Variants in RERE observed in about 807,000 individuals in gnomAD.
The protein encoded by RERE is arginine-glutamic acid dipeptide repeats protein.
RERE carries 40 observed loss-of-function variants against 146.1 expected under a neutral mutation model. The observed-to-expected ratio is 0.27, with a 90% CI of 0.21 to 0.36. The LOEUF (loss-of-function observed/expected upper bound fraction) is 0.36, where lower values mean the gene tolerates loss of function less well. RERE is among the 10% of genes least tolerant of loss of function. RERE has a pLI of 1.00. For missense variants in RERE, 1,933 were observed against 2,138.7 expected (o/e 0.90, Z 1.90); for synonymous variants, 1,003 against 866.0 (o/e 1.16, Z -2.78).
At chr1:8,720,386 T>A (rs1475817003) in intron 1 of RERE, among the ~76,000 whole-genome samples, 2 of 152,094 alleles carry the variant, frequency 1.3e-5, no homozygotes, top group Non-Finnish European at 2.9e-5. Context: ...ACCAACAGAT[T>A]TTTTTGTATT....
At chr1:8,783,062 G>A (rs1641194680) in intron 1 of RERE, among the ~76,000 whole-genome samples, 1 of 152,130 alleles carries the variant, frequency 6.6e-6, no homozygotes, top group Admixed American at 6.6e-5. Context: ...GACCAGGCAT[G>A]GTGGTTCATG....
chr1:8,383,987 C>T (rs183094366), intron 12 of RERE, among the ~76,000 whole-genome samples: 18 of 152,194 alleles, frequency 1.2e-4, no homozygotes, highest in African/African-American at 3.1e-4. Flanking sequence ...GTCACAAACT[C>T]CAGAATGAAA....
intron 2 of RERE, among the ~76,000 whole-genome samples, chr1:8,632,294 G>A (rs768141684): frequency 1.3e-5 from 2 of 152,134 alleles, no homozygotes; most frequent in African/African-American, 4.8e-5. Context: ...TGATCTTCTG[G>A]TGTCACATCC....
At chr1:8,743,001 CATT>C (rs1319487584) in intron 1 of RERE, among the ~76,000 whole-genome samples, 1 of 151,972 alleles carries the variant, frequency 6.6e-6, no homozygotes, top group Non-Finnish European at 1.5e-5. Context: ...GCAACTCAAT[CATT>C]GTTTAATCCT....
At chr1:8,481,468 C>T (rs1644833387) in intron 10 of RERE, among the ~76,000 whole-genome samples, 1 of 152,070 alleles carries the variant, frequency 6.6e-6, no homozygotes, top group African/African-American at 2.4e-5. Context: ...CAATTTAAAC[C>T]AAGTTTAAAT....
intron 2 of RERE, among the ~76,000 whole-genome samples, chr1:8,637,071 T>G (rs1647110858): frequency 6.6e-6 from 1 of 152,206 alleles, no homozygotes; most frequent in South Asian, 2.1e-4. Context: ...TATTCTAATT[T>G]TTTTAAACAG....
At chr1:8,450,544 C>T (rs1570260705) in intron 11 of RERE, among the ~76,000 whole-genome samples, 1 of 152,148 alleles carries the variant, frequency 6.6e-6, no homozygotes, top group Admixed American at 6.5e-5. Context: ...ATGCCTCGCA[C>T]GACGTCCCCT....
chr1:8,536,899 T>C (rs893362239), intron 7 of RERE, among the ~76,000 whole-genome samples: 3 of 152,180 alleles, frequency 2.0e-5, no homozygotes, highest in Admixed American at 6.5e-5. Context: ...CCCTAAATTT[T>C]TGCCCAATTA....
chr1:8,792,106 A>C lies in RERE; in HGVS notation c.-145+25054T>G, dbSNP rs369883681. 2.4e-4 allele frequency among the ~76,000 whole-genome samples: 36 copies of C among 152,256 alleles called. No homozygotes were observed. In the South Asian group the frequency reaches 7.5e-3, roughly 32 times the overall value. On this transcript the variant is annotated intron_variant, in intron 1 of 22. Coordinates refer to ENST00000400908, the MANE Select transcript of RERE (RefSeq NM_001042681.2). ...CTGTCTCAAAAGAAGGAAAAAAAAAAAGAAAACAAAACAAAAAGACAAAGT... is the reference window on the plus strand; with the variant it reads ...CTGTCTCAAAAGAAGGAAAAAAAAACAGAAAACAAAACAAAAAGACAAAGT...
At chr1:8,375,531 A>G (rs1642206432) in intron 12 of RERE, among the ~76,000 whole-genome samples, 1 of 151,090 alleles carries the variant, frequency 6.6e-6, no homozygotes, top group African/African-American at 2.4e-5. Flanking sequence ...CTCAGCAGCC[A>G]CTGAAAATGC....
chr1:8,683,889 C>T lies in RERE; in HGVS notation c.-144-27448G>A, dbSNP rs556099087. Among the ~76,000 whole-genome samples, 15 of 152,242 alleles carry T rather than the reference C, an allele frequency of 9.9e-5. No homozygotes were observed. The South Asian group carries it at 3.1e-3, about 32-fold the overall frequency. ...CCTGGGAGGTGGAGGTTGCACTGAG[C>T]CAAAATGGCACCACTGCACTCCAGC... On this transcript the variant is annotated intron_variant, in intron 1 of 22. Coordinates refer to ENST00000400908, the MANE Select transcript of RERE (RefSeq NM_001042681.2).
intron 19 of RERE, among the ~76,000 whole-genome samples, 179 bp from the exon 20 acceptor site, chr1:8,359,095 G>C (rs1011579558): frequency 6.6e-6 from 1 of 152,194 alleles, no homozygotes; most frequent in East Asian, 1.9e-4. Flanking sequence ...GGCCCCACAG[G>C]GTCGGGCTCA....
rs941924828 is a variant in RERE at position 8,812,045 on chromosome 1, G to A, written c.-145+5115C>T. On this transcript the variant is annotated intron_variant, in intron 1 of 22. Transcript: ENST00000400908. The stretch of plus-strand genomic sequence containing the variant: ...TTTGTTCTTAGGTGAGGCCTGGCTC[G>A]TACGGCTTAAATTTCTGTTCTACTT... 5.3e-5 allele frequency among the ~76,000 whole-genome samples: 8 copies of A among 152,272 alleles called. 1 individual carries two copies. The South Asian group carries it at 8.3e-4, about 16-fold the overall frequency.
At chr1:8,674,599 T>A (rs1039620100) in intron 1 of RERE, among the ~76,000 whole-genome samples, 1 of 152,220 alleles carries the variant, frequency 6.6e-6, no homozygotes, top group Non-Finnish European at 1.5e-5. Flanking sequence ...CCATCTCATA[T>A]AGTGTAAAAT....
intron 1 of RERE, among the ~76,000 whole-genome samples, chr1:8,716,635 C>A (rs977541181): frequency 6.6e-6 from 1 of 151,836 alleles, no homozygotes; most frequent in Non-Finnish European, 1.5e-5. Flanking sequence ...AAACAGTACA[C>A]CACCACTTGA....
At chr1:8,731,313 G>A (rs1481178867) in intron 1 of RERE, among the ~76,000 whole-genome samples, 3 of 152,114 alleles carry the variant, frequency 2.0e-5, no homozygotes, top group Non-Finnish European at 4.4e-5. Flanking sequence ...AGGGAGAGGG[G>A]AAAGTAACCA....
chr1:8,585,255 T>C (rs1646413960), intron 4 of RERE, among the ~76,000 whole-genome samples: 1 of 152,148 alleles, frequency 6.6e-6, no homozygotes, highest in African/African-American at 2.4e-5. Context: ...TGGAAATAGC[T>C]GACGTTAAAT....
At chr1:8,768,752 G>A (rs537645595) in intron 1 of RERE, among the ~76,000 whole-genome samples, 35 of 152,236 alleles carry the variant, frequency 2.3e-4, no homozygotes, top group Admixed American at 1.7e-3. Flanking sequence ...TAACAACACC[G>A]ACGCTTGTCC....
intron 1 of RERE, among the ~76,000 whole-genome samples, chr1:8,714,216 T>C (rs554916780): frequency 6.6e-6 from 1 of 152,364 alleles, no homozygotes; most frequent in South Asian, 2.1e-4. Context: ...ATTTAACAGA[T>C]GGGAGTAAAA....
Sources: gnomAD v4.1 joint callset for allele counts (sites outside exome capture counted in the v4.1 genomes callset) on GRCh38, gnomAD v4.1.1 for gene constraint, MANE v1.5 for transcripts, NCBI Gene and HGNC (gene_info 2026-07-23, HGNC 2026-07-21) for gene names.